Variants in ADAMTS15 observed in about 807,000 individuals in gnomAD.
ADAMTS15 encodes ADAM metallopeptidase with thrombospondin type 1 motif 15.
A neutral mutation model predicts 79.1 loss-of-function variants in ADAMTS15; 35 were observed. The ratio of observed to expected loss-of-function variants is 0.44; its 90% CI spans 0.34 to 0.59. The LOEUF (loss-of-function observed/expected upper bound fraction) is 0.59, where lower values mean the gene tolerates loss of function less well. Among genes scored for constraint, ADAMTS15 ranks in the 20% least tolerant of loss-of-function variants. ADAMTS15 has a pLI of 0.02. For missense variants in ADAMTS15, 1,324 were observed against 1,318.7 expected (o/e 1.00, Z -0.06); for synonymous variants, 616 against 567.3 (o/e 1.09, Z -1.22).
In ADAMTS15 at chr11:130,473,680, C is replaced by G. The variant is rs1938514100; in HGVS notation, c.2712C>G (p.Pro904=). ...CCTGGGAGCTCAGCGCCTGGTCACC[C>G]TGCTCCAAGAGCTGCGGCCGGGGAT... ...CPTWELSAWS[P]CSKSCGRGFQ... Residue 904 remains proline (P), a synonymous_variant, in exon 8 of 8, where the codon CCC becomes CCG. Transcript: ENST00000299164. 3.1e-6 allele frequency: 5 copies of G among 1,604,332 alleles called. No individual in the cohort carries two copies. Among genetic ancestry groups the G allele is most frequent in the Non-Finnish European group, 4.2e-6 (5 of 1,179,894 alleles).
At chr11:130,468,004 G>A (rs1028285786) in intron 4 of ADAMTS15, among the ~76,000 whole-genome samples, 7 of 152,286 alleles carry the variant, frequency 4.6e-5, no homozygotes, top group South Asian at 2.1e-4. Context: ...AAACATTCAC[G>A]TCTATGGTGA....
intron 1 of ADAMTS15, among the ~76,000 whole-genome samples, chr11:130,459,998 A>G (rs1938165513): frequency 6.6e-6 from 1 of 152,138 alleles, no homozygotes; most frequent in Non-Finnish European, 1.5e-5. Flanking sequence ...AATAGTCGTT[A>G]TTTCAGTGGG....
intron 5 of ADAMTS15, among the ~76,000 whole-genome samples, chr11:130,470,149 T>TATAC (rs1565397585): frequency 5.0e-5 from 3 of 59,886 alleles, no homozygotes; most frequent in Admixed American, 1.7e-4. Flanking sequence ...TATATATATA[T>TATAC]ATGTGTATAT....
chr11:130,461,974 A>G lies in ADAMTS15; in HGVS notation c.1091-113A>G, dbSNP rs557516321. The G allele has an allele frequency of 3.9e-5, 50 of 1,267,656 alleles. No individual in the cohort carries two copies. In the African/African-American group the frequency reaches 6.7e-4, roughly 17 times the overall value. 78.5% of individuals were successfully genotyped at this position (1,267,656 alleles called of 1,614,324 possible). Reference sequence around the variant, plus strand: ...GAAAGCAGTCTGTCGATAGTTGGCAATGACCAGCCTGAAAACCTCTGACAT... The same window carrying G: ...GAAAGCAGTCTGTCGATAGTTGGCAGTGACCAGCCTGAAAACCTCTGACAT... On this transcript the variant is annotated intron_variant, in intron 2 of 7. Transcript: ENST00000299164.
Position 130,449,217 on chromosome 11 carries a change from G to C in ADAMTS15, c.244G>C (p.Glu82Gln), listed in dbSNP as rs758649194. The change falls in exon 1 of 8, where the codon GAG becomes CAG. Residue 82 changes from glutamate (E) to glutamine (Q), a missense_variant. By Grantham distance (29) the Glu-to-Gln change is conservative. Coordinates refer to ENST00000299164, the MANE Select transcript of ADAMTS15 (RefSeq NM_139055.4). This position sits in a 1 kb window ranked among gnomAD's most constrained non-coding sequence, Gnocchi z 7.8. Reference sequence around the variant, plus strand: ...GTTCTTGGCTCCCGCCTTCTCCACTGAGCATCTGGGCGTCCCCCTCCAGGG... The same window carrying C: ...GTTCTTGGCTCCCGCCTTCTCCACTCAGCATCTGGGCGTCCCCCTCCAGGG... ...AQFLAPAFSTEHLGVPLQGLT... is the reference protein window; with the variant it reads ...AQFLAPAFSTQHLGVPLQGLT... 2.4e-5 allele frequency: 39 copies of C among 1,614,058 alleles called. No homozygotes were observed. Among genetic ancestry groups the C allele is most frequent in the Middle Eastern group, 1.6e-4 (1 of 6,062 alleles).
chr11:130,470,133 CATAT>C (rs1244452788), intron 5 of ADAMTS15, among the ~76,000 whole-genome samples: 1,429 of 74,784 alleles, frequency 0.019, 201 homozygotes, highest in African/African-American at 0.073. Flanking sequence ...TATATATATA[CATAT>C]ATATATATAT....
rs138023787 is a variant in ADAMTS15 at position 130,475,450 on chromosome 11, G to C, written c.*1629G>C. On this transcript the variant is annotated 3_prime_UTR_variant, in exon 8 of 8. Coordinates refer to ENST00000299164, the MANE Select transcript of ADAMTS15 (RefSeq NM_139055.4). ...TGGGATATTCTGCTTCTGAGTGTAGGTGATGAATCCAGGTCCTCAGTGGAG... is the reference window on the plus strand; with the variant it reads ...TGGGATATTCTGCTTCTGAGTGTAGCTGATGAATCCAGGTCCTCAGTGGAG... 37 of 152,340 alleles carry C rather than the reference G, an allele frequency of 2.4e-4. No homozygotes were observed. The highest frequency in any genetic ancestry group is 8.4e-4 in the African/African-American group (35 of 41,572). The allele number at this position is 152,340 out of a possible 1,614,324, so 9.4% of individuals were successfully genotyped here. A position where few individuals can be genotyped will look rare whatever the true frequency, so the allele number is the denominator to read the frequency against.
Position 130,462,090 on chromosome 11 carries a change from A to C in ADAMTS15, c.1094A>C (p.His365Pro). The part of the protein sequence containing the change: ...SAFTTAHELG[H>P]VFNMPHDNVK... The stretch of plus-strand genomic sequence containing the variant: ...GTCCTCTTGCCTTACCCCACAGGCC[A>C]CGTGTTCAACATGCCCCATGACAAT... Residue 365 changes from histidine (H) to proline (P), a missense_variant, in exon 3 of 8, where the codon CAC (histidine) becomes CCC (proline). His to Pro is a moderately conservative substitution (Grantham distance 77). Coordinates refer to ENST00000299164, the MANE Select transcript of ADAMTS15 (RefSeq NM_139055.4). The surrounding 1 kb of genome is among the most constrained non-coding windows in gnomAD (Gnocchi z 4.3). 6.2e-7 allele frequency: 1 copy of C among 1,603,590 alleles called. No homozygotes were observed. The highest frequency in any genetic ancestry group is 8.5e-7 in the Non-Finnish European group (1 of 1,174,350).
At chr11:130,470,303 A>G (rs1312449411) in intron 5 of ADAMTS15, among the ~76,000 whole-genome samples, 1 of 149,162 alleles carries the variant, frequency 6.7e-6, no homozygotes, top group Non-Finnish European at 1.5e-5. Flanking sequence ...TGCAACCTCA[A>G]CCTCCCAGGT....
intron 1 of ADAMTS15, among the ~76,000 whole-genome samples, chr11:130,461,282 TC>T (rs1028784986): frequency 1.3e-5 from 2 of 152,146 alleles, no homozygotes; most frequent in Admixed American, 6.5e-5. Context: ...ACAGAGCTCT[TC>T]CTGGGTTTCC....
rs1484976784 is a variant in ADAMTS15, at chr11:130,449,860, A to G, written c.887A>G (p.Gln296Arg). 6.2e-7 allele frequency: 1 copy of G among 1,605,766 alleles called. No individual in the cohort carries two copies. The highest frequency in any genetic ancestry group is 8.5e-7 in the Non-Finnish European group (1 of 1,179,980). ...ACGCTGCGCAACTTCTGTGCCTGGCAGAAGAAGCTGAACAAAGTGAGTGAC... is the reference window on the plus strand; with the variant it reads ...ACGCTGCGCAACTTCTGTGCCTGGCGGAAGAAGCTGAACAAAGTGAGTGAC... The part of the protein sequence containing the change: ...ALTLRNFCAW[Q>R]KKLNKVSDKH... The change falls in exon 1 of 8, where the codon CAG (glutamine) becomes CGG (arginine). Residue 296 changes from glutamine (Q) to arginine (R), a missense_variant. Gln to Arg is a conservative substitution (Grantham distance 43). Transcript: ENST00000299164. The surrounding 1 kb of genome is among the most constrained non-coding windows in gnomAD (Gnocchi z 7.8).
At chr11:130,451,190 T>G (rs1421494051) in intron 1 of ADAMTS15, among the ~76,000 whole-genome samples, 1 of 152,076 alleles carries the variant, frequency 6.6e-6, no homozygotes, top group Non-Finnish European at 1.5e-5. Context: ...TTGGTTATTA[T>G]CATAACCACA....
rs1284365669 is a variant in ADAMTS15 at position 130,473,966 on chromosome 11, C to T, written c.*145C>T. The T allele has an allele frequency of 3.6e-5, 42 of 1,170,568 alleles. 1 individual carries two copies. The highest frequency in any genetic ancestry group is 2.9e-4 in the Middle Eastern group (1 of 3,414). 72.5% of individuals were successfully genotyped at this position (1,170,568 alleles called of 1,614,324 possible). A position where few individuals can be genotyped will look rare whatever the true frequency, so the allele number is the denominator to read the frequency against. ...CGGGGACAAGGACCATGGGCTGGGGCGAGAGGTTCCCTCCTCCTCCCTGGA... is the reference window on the plus strand; with the variant it reads ...CGGGGACAAGGACCATGGGCTGGGGTGAGAGGTTCCCTCCTCCTCCCTGGA... On this transcript the variant is annotated 3_prime_UTR_variant, in exon 8 of 8. Transcript: ENST00000299164.
chr11:130,470,775 T>A, intron 5 of ADAMTS15, 145 bp from the exon 6 acceptor site: 1 of 899,626 alleles, frequency 1.1e-6, no homozygotes, highest in Non-Finnish European at 1.7e-6. Context: ...CCTGCTTTAG[T>A]GCTTTCAGAT....
intron 4 of ADAMTS15, among the ~76,000 whole-genome samples, chr11:130,465,203 GA>G (rs1297071461): frequency 6.6e-6 from 1 of 151,938 alleles, no homozygotes; most frequent in African/African-American, 2.4e-5. Flanking sequence ...CCCGACGGGG[GA>G]AAAAACCAAG....
chr11:130,455,489 G>T (rs1938057757), intron 1 of ADAMTS15, among the ~76,000 whole-genome samples: 1 of 152,198 alleles, frequency 6.6e-6, no homozygotes, highest in African/African-American at 2.4e-5. Context: ...CTGCAAGTCG[G>T]CTGTTCAGTA....
At position 130,470,998 on chromosome 11, in the gene ADAMTS15, C is replaced by T. The variant is rs1476891096; in HGVS notation, c.1799C>T (p.Ala600Val). The T allele has an allele frequency of 1.2e-6, 2 of 1,613,872 alleles. No homozygotes were observed. The highest frequency in any genetic ancestry group is 1.7e-6 in the Non-Finnish European group (2 of 1,180,040). ...CACAGCACCAACCGGCTCACTCTCG[C>T]CGTGGCATGGGTGCCCAAGTACTCC... is the stretch of plus-strand genomic sequence containing the variant. Reference protein sequence around the residue: ...YNHSTNRLTLAVAWVPKYSGV... With the variant: ...YNHSTNRLTLVVAWVPKYSGV... The change falls in exon 6 of 8, where the codon GCC becomes GTC. Residue 600 changes from alanine (A) to valine (V), a missense_variant. Physicochemically the swap from Ala to Val is moderately conservative, Grantham distance 64. Coordinates refer to ENST00000299164, the MANE Select transcript of ADAMTS15 (RefSeq NM_139055.4).
intron 1 of ADAMTS15, among the ~76,000 whole-genome samples, chr11:130,456,208 A>G (rs904138768): frequency 1.3e-5 from 2 of 152,344 alleles, no homozygotes; most frequent in East Asian, 1.9e-4. Flanking sequence ...AGTCTGGCAC[A>G]CAGTAGCCAG....
intron 1 of ADAMTS15, among the ~76,000 whole-genome samples, chr11:130,457,541 A>G (rs371186653): frequency 2.6e-5 from 4 of 152,224 alleles, no homozygotes; most frequent in African/African-American, 9.6e-5. Flanking sequence ...AGATGATTCC[A>G]GGATCATCTG....
Sources: allele counts gnomAD v4.1 joint callset (sites outside exome capture counted in the v4.1 genomes callset), GRCh38; gene constraint gnomAD v4.1.1; non-coding constraint Gnocchi (gnomAD v3.1); transcripts MANE v1.5; gene names NCBI Gene and HGNC (gene_info 2026-07-23, HGNC 2026-07-21).